LAMA2: variants seen among roughly 807,000 people sequenced by gnomAD.
The protein encoded by LAMA2 is laminin subunit alpha 2.
A neutral mutation model predicts 364.8 loss-of-function variants in LAMA2; 269 were observed. That is an observed-to-expected ratio of 0.74 (90% CI 0.67 to 0.82). The LOEUF (loss-of-function observed/expected upper bound fraction) is 0.82, where lower values mean the gene tolerates loss of function less well. LAMA2 is among the 40% of genes least tolerant of loss of function. The pLI, the probability that LAMA2 is intolerant of heterozygous loss-of-function variation, is 0.00. For missense variants in LAMA2, 3,807 were observed against 3,873.2 expected, an observed-to-expected ratio of 0.98 and a Z score of 0.45; for synonymous variants, 1,379 against 1,370.6, an observed-to-expected ratio of 1.01 and a Z score of -0.14.
intron 22 of LAMA2, among the ~76,000 whole-genome samples, chr6:129,302,378 G>A (rs1773602269): frequency 6.6e-6 from 1 of 151,926 alleles, no homozygotes; most frequent in African/African-American, 2.4e-5. Flanking sequence ...CCTTAGTAAT[G>A]CATTGCAAGG....
chr6:129,457,000 C>G (rs1334682025), intron 48 of LAMA2, among the ~76,000 whole-genome samples: 1 of 152,156 alleles, frequency 6.6e-6, no homozygotes, highest in African/African-American at 2.4e-5. Context: ...TGCTTCATGA[C>G]AGTCCTTGCG....
intron 37 of LAMA2, 117 bp downstream of exon 37, chr6:129,393,372 CT>C: frequency 1.3e-6 from 1 of 795,118 alleles, no homozygotes; most frequent in South Asian, 1.5e-5. Flanking sequence ...AGAGTGACAA[CT>C]CTGAAAGGGG....
chr6:129,275,706 AT>A (rs1788266290), intron 17 of LAMA2, among the ~76,000 whole-genome samples: 1 of 128,816 alleles, frequency 7.8e-6, no homozygotes, highest in Non-Finnish European at 1.6e-5. Flanking sequence ...AACATATCTT[AT>A]TTTGTTTAAA....
intron 1 of LAMA2, among the ~76,000 whole-genome samples, chr6:128,990,264 A>G (rs1426965794): frequency 4.6e-5 from 7 of 152,110 alleles, no homozygotes; most frequent in Non-Finnish European, 8.8e-5. Context: ...TGTATTTACT[A>G]TTGGTTTCCT....
chr6:129,009,804 G>A (rs1270185378), intron 1 of LAMA2, among the ~76,000 whole-genome samples: 1 of 152,082 alleles, frequency 6.6e-6, no homozygotes, highest in Non-Finnish European at 1.5e-5. Flanking sequence ...TTCCCTATAA[G>A]TTTGACACGT....
chr6:129,159,166 G>T, intron 8 of LAMA2: 4 of 1,446,960 alleles, frequency 2.8e-6, no homozygotes, highest in Non-Finnish European at 3.9e-6. Flanking sequence ...TTAGTAATTG[G>T]TCTTGCTACT....
intron 1 of LAMA2, among the ~76,000 whole-genome samples, chr6:128,996,233 A>G (rs529472899): frequency 1.9e-4 from 29 of 152,306 alleles, no homozygotes; most frequent in African/African-American, 6.5e-4. Flanking sequence ...AGAGTTTGGC[A>G]TGTGAAGATC....
intron 4 of LAMA2, among the ~76,000 whole-genome samples, chr6:129,137,953 T>C (rs1777900006): frequency 6.6e-6 from 1 of 152,018 alleles, no homozygotes; most frequent in Admixed American, 6.6e-5. Flanking sequence ...AAGAAGCTCC[T>C]AGACAGTCCA....
intron 1 of LAMA2, among the ~76,000 whole-genome samples, chr6:128,962,139 CATATATATATATATAT>C (rs55906092): frequency 0.1 from 3,795 of 38,116 alleles, 230 homozygotes; most frequent in Non-Finnish European, 0.14. Context: ...TCCTCTGGAC[CATATATATATATATAT>C]ATATATATAT....
chr6:129,437,524 T>C (rs985198467), intron 41 of LAMA2, among the ~76,000 whole-genome samples: 2 of 152,028 alleles, frequency 1.3e-5, no homozygotes, highest in Non-Finnish European at 2.9e-5. Context: ...TGTCTTGTAT[T>C]TACATGTTGC....
chr6:129,353,098 A>G (rs930104356), intron 31 of LAMA2, 66 bp from the exon 32 acceptor site: 2 of 1,279,392 alleles, frequency 1.6e-6, no homozygotes, highest in African/African-American at 1.5e-5. Flanking sequence ...ACAAAAGACC[A>G]CACACAACAA....
chr6:129,382,395 T>A (rs574008030), intron 34 of LAMA2, among the ~76,000 whole-genome samples: 1 of 152,198 alleles, frequency 6.6e-6, no homozygotes, highest in Non-Finnish European at 1.5e-5. Context: ...CATTCCAGTG[T>A]GTCAAATGAT....
At chr6:129,255,301 G>A (rs1786566644) in intron 14 of LAMA2, among the ~76,000 whole-genome samples, 1 of 149,904 alleles carries the variant, frequency 6.7e-6, no homozygotes, top group South Asian at 2.1e-4. Flanking sequence ...AGCTACTCAG[G>A]AGGCTGAGGC....
chr6:128,932,420 G>A (rs1779538568), intron 1 of LAMA2, among the ~76,000 whole-genome samples: 1 of 152,194 alleles, frequency 6.6e-6, no homozygotes, highest in African/African-American at 2.4e-5. Context: ...CAAACAGAAT[G>A]CCAGATATGG....
intron 32 of LAMA2, among the ~76,000 whole-genome samples, chr6:129,361,397 A>G (rs1435434674): frequency 6.6e-6 from 1 of 152,238 alleles, no homozygotes; most frequent in Non-Finnish European, 1.5e-5. Flanking sequence ...CGATTGTATC[A>G]GTTATACATT....
At chr6:129,439,462 C>T (rs1328943353) in intron 42 of LAMA2, among the ~76,000 whole-genome samples, 1 of 151,902 alleles carries the variant, frequency 6.6e-6, no homozygotes, top group Non-Finnish European at 1.5e-5. Flanking sequence ...ACTGATGTAC[C>T]ACCACAAAGA....
intron 16 of LAMA2, among the ~76,000 whole-genome samples, chr6:129,267,668 A>G (rs1787612061): frequency 6.6e-6 from 1 of 152,122 alleles, no homozygotes; most frequent in Non-Finnish European, 1.5e-5. Flanking sequence ...ACATATTTTT[A>G]TTTAAAATGT....
intron 8 of LAMA2, among the ~76,000 whole-genome samples, chr6:129,163,768 G>T (rs1240853624): frequency 6.6e-6 from 1 of 152,184 alleles, no homozygotes; most frequent in Non-Finnish European, 1.5e-5. Flanking sequence ...TAGTCATTAG[G>T]TTGACTACTC....
At chr6:129,167,690 C>T (rs1211236720) in intron 9 of LAMA2, among the ~76,000 whole-genome samples, 2 of 152,164 alleles carry the variant, frequency 1.3e-5, no homozygotes, top group African/African-American at 4.8e-5. Context: ...AATGGGATGG[C>T]TGGGTCAAAG....
Sources: gnomAD v4.1 joint callset for allele counts (sites outside exome capture counted in the v4.1 genomes callset) on GRCh38, gnomAD v4.1.1 for gene constraint, MANE v1.5 for transcripts, NCBI Gene and HGNC (gene_info 2026-07-23, HGNC 2026-07-21) for gene names.